Variants in DNA2 observed in about 807,000 individuals in gnomAD.
DNA2 encodes the protein DNA replication helicase/nuclease 2, also known as DNA replication ATP-dependent helicase/nuclease DNA2.
A neutral mutation model predicts 119.1 loss-of-function variants in DNA2; 101 were observed. The ratio of observed to expected loss-of-function variants is 0.85; its 90% CI spans 0.72 to 1.00. DNA2 has a LOEUF of 1.00. DNA2 is among the 50% of genes least tolerant of loss of function. The pLI, the probability that DNA2 is intolerant of heterozygous loss-of-function variation, is 0.00. For missense variants in DNA2, 1,121 were observed against 1,255.5 expected (o/e 0.89, Z 1.62); for synonymous variants, 366 against 424.4 (o/e 0.86, Z 1.69).
intron 10 of DNA2, among the ~76,000 whole-genome samples, chr10:68,434,761 A>G (rs141887736): frequency 2.2e-4 from 33 of 152,344 alleles, no homozygotes; most frequent in African/African-American, 7.9e-4. Flanking sequence ...AGGATACACA[A>G]ATCCAAGCAG....
chr10:68,415,235 C>A (rs1590042774), intron 20 of DNA2, 128 bp from the exon 21 acceptor site: 27 of 533,856 alleles, frequency 5.1e-5, no homozygotes, highest in South Asian at 1.7e-4. Flanking sequence ...TTATGGCATT[C>A]AATGAATAAT....
chr10:68,424,324 C>T lies in DNA2; in HGVS notation c.2209-1434G>A, dbSNP rs562495206. 8.5e-5 allele frequency among the ~76,000 whole-genome samples: 13 copies of T among 152,054 alleles called. No homozygotes were observed. The South Asian group carries it at 1.0e-3, about 12-fold the overall frequency. ...TTTGAGACCAGCCCGAGCAACACAG[C>T]GAAAACCGGTCTCTACAAAAAATAC... is the stretch of plus-strand genomic sequence containing the variant. On this transcript the variant is annotated intron_variant, in intron 14 of 20. Coordinates refer to ENST00000358410, the MANE Select transcript of DNA2 (RefSeq NM_001080449.3).
chr10:68,418,215 A>G (rs1590044828), intron 19 of DNA2, among the ~76,000 whole-genome samples: 1 of 152,100 alleles, frequency 6.6e-6, no homozygotes, highest in South Asian at 2.1e-4. Flanking sequence ...GGAGTTCGAG[A>G]CCAGCCTGGA....
chr10:68,418,885 C>G (rs2133355586), intron 19 of DNA2, 149 bp downstream of exon 19: 1 of 529,254 alleles, frequency 1.9e-6, no homozygotes, highest in East Asian at 3.5e-5. Flanking sequence ...GCTGTCCAGG[C>G]TGGTCTCAAA....
At chr10:68,418,968 C>G in intron 19 of DNA2, 66 bp downstream of exon 19, 1 of 1,461,782 alleles carries the variant, frequency 6.8e-7, no homozygotes, top group Non-Finnish European at 9.2e-7. Context: ...CCACCGCGCC[C>G]GGCCCACAAT....
At chr10:68,448,369 C>G (rs915952344) in intron 6 of DNA2, among the ~76,000 whole-genome samples, 1 of 152,150 alleles carries the variant, frequency 6.6e-6, no homozygotes, top group Non-Finnish European at 1.5e-5. Flanking sequence ...ACAGCTTTAG[C>G]TGTAAGTCAA....
Position 68,445,198 on chromosome 10 carries a change from C to T in DNA2, c.1058-115G>A, listed in dbSNP as rs116034545. 2,059 of 970,456 alleles carry T rather than the reference C, an allele frequency of 2.1e-3. 37 individuals carry two copies. The African/African-American group carries it at 0.03, about 14-fold the overall frequency. The allele number at this position is 970,456 out of a possible 1,614,324, so 60.1% of individuals were successfully genotyped here. On this transcript the variant is annotated intron_variant, in intron 7 of 20. Coordinates refer to ENST00000358410, the MANE Select transcript of DNA2 (RefSeq NM_001080449.3). Reference sequence around the variant, plus strand: ...AACATTTTAGGGCCGGGCACAATGGCTTACGCCTGTAATCCCAACACTTGG... The same window carrying T: ...AACATTTTAGGGCCGGGCACAATGGTTTACGCCTGTAATCCCAACACTTGG...
chr10:68,455,351 G>C (rs2052169488), intron 5 of DNA2, among the ~76,000 whole-genome samples: 1 of 152,168 alleles, frequency 6.6e-6, no homozygotes. Flanking sequence ...TTATCACAGT[G>C]AAGCCCAATA....
rs1183652319 is a variant in DNA2 at position 68,424,288 on chromosome 10, G to A, written c.2209-1398C>T. 3.9e-5 allele frequency among the ~76,000 whole-genome samples: 6 copies of A among 152,260 alleles called. No individual in the cohort carries two copies. The East Asian group carries it at 1.2e-3, about 29-fold the overall frequency. ...GGAGGCCAAGGTGGGCAGATTGCTG[G>A]AGCTCAGGAGTTTGAGACCAGCCCG... On this transcript the variant is annotated intron_variant, in intron 14 of 20. Coordinates refer to ENST00000358410, the MANE Select transcript of DNA2 (RefSeq NM_001080449.3).
intron 3 of DNA2, among the ~76,000 whole-genome samples, 198 bp from the exon 4 acceptor site, chr10:68,466,010 T>C (rs973977593): frequency 2.6e-5 from 4 of 152,114 alleles, no homozygotes; most frequent in African/African-American, 9.7e-5. Flanking sequence ...TGAATTACTG[T>C]ATGAGTTATC....
intron 10 of DNA2, among the ~76,000 whole-genome samples, chr10:68,434,840 T>TA (rs895607783): frequency 5.3e-5 from 8 of 152,194 alleles, no homozygotes; most frequent in African/African-American, 1.9e-4. Context: ...ATGACTCAAC[T>TA]AAGATTACTG....
rs998753295 is a variant in DNA2 at position 68,470,010 on chromosome 10, A to T, written c.228T>A (p.Asn76Lys). The part of the protein sequence containing the change: ...LVITASQSLE[N>K]KELCILRNDW... ...CATTCCTAAGGATGCATAGTTCTTT[A>T]TTTTCTAGTGACTGTGAAGCAGTGA... is the stretch of plus-strand genomic sequence containing the variant. Residue 76 changes from asparagine to lysine, a missense_variant, in exon 2 of 21, where the codon AAT (asparagine) becomes AAA (lysine). Transcript: ENST00000358410. The T allele has an allele frequency of 2.5e-6, 4 of 1,609,566 alleles. No homozygotes were observed.
At chr10:68,425,509 C>T (rs2051728585) in intron 14 of DNA2, among the ~76,000 whole-genome samples, 1 of 151,682 alleles carries the variant, frequency 6.6e-6, no homozygotes, top group Admixed American at 6.6e-5. Flanking sequence ...TCACGCCATT[C>T]TCCTGCCTCA....
intron 5 of DNA2, among the ~76,000 whole-genome samples, chr10:68,451,096 T>TAAAAAA (rs754298528): frequency 5.1e-5 from 5 of 98,838 alleles, no homozygotes; most frequent in South Asian, 3.4e-4. Context: ...CAAGACTGTC[T>TAAAAAA]AAAAAAAAAA....
chr10:68,450,341 G>T, intron 5 of DNA2, 94 bp from the exon 6 acceptor site: 2 of 982,414 alleles, frequency 2.0e-6, no homozygotes, highest in Non-Finnish European at 3.0e-6. Context: ...CAGAGAATGT[G>T]GGGAGGGGAA....
chr10:68,427,605 C>A (rs1297586169), intron 14 of DNA2, among the ~76,000 whole-genome samples: 1 of 151,364 alleles, frequency 6.6e-6, no homozygotes, highest in African/African-American at 2.4e-5. Flanking sequence ...GGCGTGGTCT[C>A]ACCAGTGCAC....
chr10:68,439,469 G>A (rs955206690), intron 9 of DNA2, among the ~76,000 whole-genome samples: 2 of 152,088 alleles, frequency 1.3e-5, no homozygotes, highest in Non-Finnish European at 2.9e-5. Context: ...GGGAGGCCAA[G>A]GCAGCTGGAT....
Position 68,446,165 on chromosome 10 carries a change from A to AC in DNA2, c.1057+130_1057+131insG, listed in dbSNP as rs1437407239. The AC allele has an allele frequency of 4.0e-5, 24 of 593,582 alleles. No individual in the cohort carries two copies. In the Admixed American group the frequency reaches 6.2e-4, roughly 15 times the overall value. 36.8% of individuals were successfully genotyped at this position (593,582 alleles called of 1,614,324 possible). On this transcript the variant is annotated intron_variant, in intron 7 of 20. Transcript: ENST00000358410. ...AACACACACATAAAAAACAACAACAAAAAAAACCCACAGCTACAAATTATA... is the reference window on the plus strand; with the variant it reads ...AACACACACATAAAAAACAACAACAACAAAAAACCCACAGCTACAAATTATA...
At chr10:68,436,722 T>A (rs1489503329) in intron 10 of DNA2, 1 of 233,892 alleles carries the variant, frequency 4.3e-6, no homozygotes, top group African/African-American at 2.3e-5. Context: ...TCCATTTACA[T>A]GAGATGTCCA....
Sources: allele counts gnomAD v4.1 joint callset (sites outside exome capture counted in the v4.1 genomes callset), GRCh38; gene constraint gnomAD v4.1.1; transcripts MANE v1.5; gene names NCBI Gene and HGNC (gene_info 2026-07-23, HGNC 2026-07-21).